The following CPLX4 variants were observed in gnomAD, a reference collection of about 807,000 sequenced individuals.
CPLX4 encodes the protein complexin 4.
A neutral mutation model predicts 16.1 loss-of-function variants in CPLX4; 17 were observed. That is an observed-to-expected ratio of 1.06 (90% CI 0.72 to 1.59). The LOEUF (loss-of-function observed/expected upper bound fraction) is 1.59, where lower values mean the gene tolerates loss of function less well. Among genes scored for constraint, CPLX4 ranks in the 40% most tolerant of loss-of-function variants. CPLX4 has a pLI of 0.00. For synonymous variants in CPLX4, 55 were observed against 57.8 expected, an observed-to-expected ratio of 0.95 and a Z score of 0.22; for missense variants, 193 against 192.9, an observed-to-expected ratio of 1.00 and a Z score of 0.00.
intron 2 of CPLX4, among the ~76,000 whole-genome samples, chr18:59,312,106 A>C (rs1260481465): frequency 1.3e-5 from 2 of 152,196 alleles, no homozygotes; most frequent in Non-Finnish European, 2.9e-5. Context: ...AGAGATGATA[A>C]TAGAACCTAA....
rs77793443 is a variant in CPLX4 at position 59,307,283 on chromosome 18, G to A, written c.255+5402C>T. On this transcript the variant is annotated intron_variant, in intron 2 of 2. Transcript: ENST00000299721. ...ACATATGGTATGTGCTTTTCCGGAT[G>A]TAAAAAAATAAGTCTATTGAAAAGA... Among the ~76,000 whole-genome samples, 2,498 of 152,274 alleles carry A rather than the reference G, an allele frequency of 0.016. 202 individuals are homozygous for A. In the East Asian group the frequency reaches 0.25, roughly 15 times the overall value.
rs1009652069 is a variant in CPLX4 at position 59,295,700 on chromosome 18, A to C, written c.*998T>G. On this transcript the variant is annotated 3_prime_UTR_variant, in exon 3 of 3. Coordinates refer to ENST00000299721, the MANE Select transcript of CPLX4 (RefSeq NM_181654.4). ...TGAAAGAGAGCAGATATTAGGGGGGAAAAATCAGTGTCTACCCTGAAAGCT... is the reference window on the plus strand; with the variant it reads ...TGAAAGAGAGCAGATATTAGGGGGGCAAAATCAGTGTCTACCCTGAAAGCT... 1 of 151,856 alleles carries C rather than the reference A, an allele frequency of 6.6e-6. No individual in the cohort carries two copies. The highest frequency in any genetic ancestry group is 1.5e-5 in the Non-Finnish European group (1 of 67,996). The allele number at this position is 151,856 out of a possible 1,614,324, so 9.4% of individuals were successfully genotyped here. A position where few individuals can be genotyped will look rare whatever the true frequency, so the allele number is the denominator to read the frequency against.
At chr18:59,316,330 CTAAA>C (rs2070651300) in intron 1 of CPLX4, among the ~76,000 whole-genome samples, 1 of 152,126 alleles carries the variant, frequency 6.6e-6, no homozygotes, top group Non-Finnish European at 1.5e-5. Context: ...GAGTGCATTG[CTAAA>C]TAGTTTTTTA....
chr18:59,314,183 G>A lies in CPLX4; in HGVS notation c.168-1411C>T, dbSNP rs138350420. Among the ~76,000 whole-genome samples, 1,411 of 152,202 alleles carry A rather than the reference G, an allele frequency of 9.3e-3. 25 individuals carry two copies. Among genetic ancestry groups the A allele is most frequent in the African/African-American group, 0.032 (1,340 of 41,522 alleles). On this transcript the variant is annotated intron_variant, in intron 1 of 2. Coordinates refer to ENST00000299721, the MANE Select transcript of CPLX4 (RefSeq NM_181654.4). ...GTTCAACCTTCTAGTTTTGGAGAGG[G>A]ACATCGAATAAAGTGACCTGTCCAG... is the stretch of plus-strand genomic sequence containing the variant.
intron 2 of CPLX4, among the ~76,000 whole-genome samples, chr18:59,297,868 G>T (rs2070512454): frequency 1.3e-5 from 2 of 152,164 alleles, no homozygotes; most frequent in African/African-American, 4.8e-5. Context: ...ATGGGCTCTT[G>T]TCAGATTCAA....
At chr18:59,305,084 G>GGA (rs1254760443) in intron 2 of CPLX4, among the ~76,000 whole-genome samples, 2 of 152,026 alleles carry the variant, frequency 1.3e-5, no homozygotes, top group Middle Eastern at 3.2e-3. Context: ...AGATGATGTA[G>GGA]GAGACATGGA....
chr18:59,303,535 G>T (rs968702659), intron 2 of CPLX4, among the ~76,000 whole-genome samples: 1 of 152,150 alleles, frequency 6.6e-6, no homozygotes, highest in African/African-American at 2.4e-5. Context: ...TGCCAGAAGG[G>T]TCTAGCAAGA....
intron 1 of CPLX4, among the ~76,000 whole-genome samples, chr18:59,317,286 G>C (rs1161075870): frequency 6.6e-6 from 1 of 152,048 alleles, no homozygotes; most frequent in Non-Finnish European, 1.5e-5. Flanking sequence ...TGGCAAAAAA[G>C]AAATACTTTT....
At position 59,318,560 on chromosome 18, in the gene CPLX4, C is replaced by T; in HGVS notation, c.-98G>A. 2.0e-6 allele frequency: 3 copies of T among 1,475,446 alleles called. No individual in the cohort carries two copies. The South Asian group carries it at 4.3e-5, about 21-fold the overall frequency. The allele number at this position is 1,475,446 out of a possible 1,614,324, so 91.4% of individuals were successfully genotyped here. On this transcript the variant is annotated 5_prime_UTR_variant, in exon 1 of 3. Transcript: ENST00000299721. ...GAAAACCTCCAAATATTCTCAATGACAGCAATACATTTAAGAGCAAAGGAC... is the reference window on the plus strand; with the variant it reads ...GAAAACCTCCAAATATTCTCAATGATAGCAATACATTTAAGAGCAAAGGAC...
In CPLX4 at chr18:59,311,535, T is replaced by C. The variant is rs2070616806; in HGVS notation, c.255+1150A>G. Among the ~76,000 whole-genome samples the C allele has an allele frequency of 2.0e-5, 3 of 152,210 alleles. No homozygotes were observed. The South Asian group carries it at 6.2e-4, about 32-fold the overall frequency. ...GGAAGGAATTGGTTTAGCAGCACTT[T>C]CTAGACCACCCAGACTTGGAGATGG... On this transcript the variant is annotated intron_variant, in intron 2 of 2. Coordinates refer to ENST00000299721, the MANE Select transcript of CPLX4 (RefSeq NM_181654.4).
intron 2 of CPLX4, among the ~76,000 whole-genome samples, chr18:59,307,209 G>A (rs140146102): frequency 2.6e-3 from 399 of 152,242 alleles, no homozygotes; most frequent in African/African-American, 8.5e-3. Flanking sequence ...TGTGACCTTC[G>A]GAACGTCCCT....
intron 2 of CPLX4, among the ~76,000 whole-genome samples, chr18:59,303,401 A>T (rs2070554965): frequency 6.6e-6 from 1 of 152,240 alleles, no homozygotes; most frequent in Non-Finnish European, 1.5e-5. Flanking sequence ...CAGGGACTCA[A>T]GAAGCTCCCG....
chr18:59,309,164 A>G (rs541383215), intron 2 of CPLX4, among the ~76,000 whole-genome samples: 258 of 152,346 alleles, frequency 1.7e-3, no homozygotes, highest in Admixed American at 2.9e-3. Flanking sequence ...CGGGATTAGA[A>G]TTTCCATGTG....
chr18:59,297,002 C>T (rs2070506566), intron 2 of CPLX4, 77 bp from the exon 3 acceptor site: 5 of 1,523,362 alleles, frequency 3.3e-6, no homozygotes, highest in African/African-American at 1.4e-5. Context: ...TTAAAAGCAG[C>T]AGGAAAAGGT....
intron 1 of CPLX4, among the ~76,000 whole-genome samples, chr18:59,318,035 T>C (rs997824450): frequency 3.3e-5 from 5 of 152,126 alleles, no homozygotes; most frequent in African/African-American, 1.2e-4. Flanking sequence ...GACCAGAAAG[T>C]GTTAAGCTGC....
intron 2 of CPLX4, among the ~76,000 whole-genome samples, chr18:59,309,032 T>C (rs1344673383): frequency 2.0e-5 from 3 of 152,246 alleles, no homozygotes; most frequent in Non-Finnish European, 2.9e-5. Context: ...ATCCAGCTGA[T>C]TTTTTAAACT....
chr18:59,306,809 C>T (rs1034556185), intron 2 of CPLX4, among the ~76,000 whole-genome samples: 6 of 152,272 alleles, frequency 3.9e-5, no homozygotes, highest in African/African-American at 7.2e-5. Context: ...GTTATGTAAC[C>T]GCTGTGGTGG....
chr18:59,305,717 G>A (rs2070572165), intron 2 of CPLX4, among the ~76,000 whole-genome samples: 1 of 152,144 alleles, frequency 6.6e-6, no homozygotes, highest in Non-Finnish European at 1.5e-5. Flanking sequence ...ATGAAATTTC[G>A]GGAGATGTGG....
intron 2 of CPLX4, among the ~76,000 whole-genome samples, chr18:59,303,125 T>A (rs1057193154): frequency 1.4e-4 from 21 of 152,282 alleles, no homozygotes; most frequent in African/African-American, 5.1e-4. Context: ...CAGAAGCTAG[T>A]GTGTGACTGG....
Sources: gnomAD v4.1 joint callset for allele counts (sites outside exome capture counted in the v4.1 genomes callset) on GRCh38, gnomAD v4.1.1 for gene constraint, MANE v1.5 for transcripts, NCBI Gene and HGNC (gene_info 2026-07-23, HGNC 2026-07-21) for gene names.